MAGI2: variants seen among roughly 807,000 people sequenced by gnomAD.
MAGI2 encodes membrane associated guanylate kinase, WW and PDZ domain containing 2.
Under a neutral mutation model 133.3 loss-of-function variants are expected in MAGI2, and 35 were observed. The ratio of observed to expected loss-of-function variants is 0.26; its 90% CI spans 0.20 to 0.35. MAGI2 has a LOEUF of 0.35. Among genes scored for constraint, MAGI2 ranks in the 10% least tolerant of loss-of-function variants. The pLI is 1.00. For missense variants in MAGI2, 1,636 were observed against 1,863.4 expected, an observed-to-expected ratio of 0.88 and a Z score of 2.25; for synonymous variants, 729 against 710.6, an observed-to-expected ratio of 1.03 and a Z score of -0.41.
intron 1 of MAGI2, among the ~76,000 whole-genome samples, chr7:79,160,165 G>T (rs542661676): frequency 3.3e-5 from 5 of 152,146 alleles, no homozygotes; most frequent in African/African-American, 1.2e-4. Flanking sequence ...TTACTGAAAA[G>T]TTAAAATAGT....
rs1824221974 is a variant in MAGI2 at position 78,154,738 on chromosome 7, G to T, written c.2845+5287C>A. 1.3e-5 allele frequency among the ~76,000 whole-genome samples: 2 copies of T among 152,170 alleles called. 1 individual carries two copies. Among genetic ancestry groups the T allele is most frequent in the South Asian group, 4.1e-4 (2 of 4,824 alleles). On this transcript the variant is annotated intron_variant, in intron 16 of 21. Coordinates refer to ENST00000354212, the MANE Select transcript of MAGI2 (RefSeq NM_012301.4). ...GGGCCACTTCATTACTTGTACCAAA[G>T]CCCTTCTTGGGAACCTCTGGTGGGA... is the stretch of plus-strand genomic sequence containing the variant.
At chr7:78,603,847 CAAGA>C (rs746165408) in intron 3 of MAGI2, among the ~76,000 whole-genome samples, 119 of 152,186 alleles carry the variant, frequency 7.8e-4, no homozygotes, top group Non-Finnish European at 1.3e-3. Context: ...TATAGGCTAC[CAAGA>C]AACCTATACA....
At chr7:78,348,387 A>G (rs1403461208) in intron 7 of MAGI2, 1 of 152,226 alleles carries the variant, frequency 6.6e-6, no homozygotes, top group Non-Finnish European at 1.5e-5. Context: ...ATACCCAGGG[A>G]GAACCCAACA....
chr7:79,067,317 T>C (rs951327841), intron 1 of MAGI2, among the ~76,000 whole-genome samples: 2 of 152,220 alleles, frequency 1.3e-5, no homozygotes, highest in South Asian at 2.1e-4. Flanking sequence ...AGAGGTCCTT[T>C]ACATCCCTTG....
At chr7:78,468,755 T>G (rs777655152) in intron 6 of MAGI2, among the ~76,000 whole-genome samples, 1 of 152,188 alleles carries the variant, frequency 6.6e-6, no homozygotes, top group Non-Finnish European at 1.5e-5. Context: ...CTCTGATATC[T>G]TGGCTACTAT....
At position 79,364,870 on chromosome 7, in the gene MAGI2, C is replaced by T. The variant is rs115828921; in HGVS notation, c.301+88150G>A. The stretch of plus-strand genomic sequence containing the variant: ...GAATTCTTAGAATTGACAACAGTTG[C>T]AAAATTCATAAAAAAATTAATTAGA... On this transcript the variant is annotated intron_variant, in intron 1 of 21. Coordinates refer to ENST00000354212, the MANE Select transcript of MAGI2 (RefSeq NM_012301.4). Among the ~76,000 whole-genome samples, 816 of 150,410 alleles carry T rather than the reference C, an allele frequency of 5.4e-3. 5 individuals are homozygous for T. The highest frequency in any genetic ancestry group is 0.019 in the African/African-American group (786 of 40,888).
At chr7:78,627,352 A>T in intron 2 of MAGI2, 113 bp from the exon 3 acceptor site, 1 of 1,011,364 alleles carries the variant, frequency 9.9e-7, no homozygotes, top group East Asian at 3.1e-5. Context: ...ACATCCTGCA[A>T]GTTGGCAGTT....
At chr7:78,203,067 T>C (rs1249664004) in intron 10 of MAGI2, among the ~76,000 whole-genome samples, 1 of 152,248 alleles carries the variant, frequency 6.6e-6, no homozygotes, top group Non-Finnish European at 1.5e-5. Context: ...CAGTGAAGTA[T>C]AAAATTTATT....
rs1476310887 is a variant in MAGI2 at position 78,127,253 on chromosome 7, T to C, written c.3367A>G (p.Arg1123Gly). ...TGCCTGGTGTCGGGGGAGTGCTGCC[T>C]GTAGTCCAGTAGGGGAGGCTGCCTG... ...DYRQPPLLDY[R>G]QHSPDTRQYP... Residue 1123 changes from arginine (R) to glycine (G), a missense_variant, in exon 19 of 22, where the codon AGG (arginine) becomes GGG (glycine). Transcript: ENST00000354212. 6.2e-7 allele frequency: 1 copy of C among 1,608,226 alleles called. No individual in the cohort carries two copies. Among genetic ancestry groups the C allele is most frequent in the South Asian group, 1.1e-5 (1 of 90,436 alleles).
chr7:79,196,287 T>C (rs1828075304), intron 1 of MAGI2, among the ~76,000 whole-genome samples: 1 of 151,862 alleles, frequency 6.6e-6, no homozygotes, highest in Non-Finnish European at 1.5e-5. Context: ...GAAAAAGTTA[T>C]ACAAATATTC....
chr7:79,196,307 C>T (rs1828077503), intron 1 of MAGI2, among the ~76,000 whole-genome samples: 1 of 151,726 alleles, frequency 6.6e-6, no homozygotes, highest in South Asian at 2.1e-4. Flanking sequence ...CTTTTTTTTA[C>T]TTTAAAACAT....
intron 6 of MAGI2, among the ~76,000 whole-genome samples, chr7:78,442,828 A>G (rs946790388): frequency 3.3e-5 from 5 of 152,214 alleles, no homozygotes; most frequent in African/African-American, 1.2e-4. Context: ...TTGAAAATAC[A>G]TATTAAACAA....
At chr7:78,569,125 A>AACACACACAC (rs56351234) in intron 3 of MAGI2, among the ~76,000 whole-genome samples, 3 of 148,094 alleles carry the variant, frequency 2.0e-5, no homozygotes, top group African/African-American at 4.9e-5. Flanking sequence ...TGTGCATGCC[A>AACACACACAC]ACACACACAC....
intron 1 of MAGI2, among the ~76,000 whole-genome samples, chr7:79,099,167 T>G (rs1312520193): frequency 1.3e-5 from 2 of 152,180 alleles, no homozygotes; most frequent in East Asian, 3.9e-4. Context: ...TTAGTGCTAT[T>G]TTATGGAAAA....
intron 2 of MAGI2, among the ~76,000 whole-genome samples, chr7:78,685,091 T>C (rs1023960219): frequency 3.9e-5 from 6 of 152,226 alleles, no homozygotes; most frequent in Admixed American, 1.3e-4. Context: ...CAGCCTTAAA[T>C]GTTTCTGTCA....
intron 9 of MAGI2, among the ~76,000 whole-genome samples, chr7:78,276,340 C>A (rs1309005714): frequency 6.6e-6 from 1 of 151,992 alleles, no homozygotes; most frequent in Admixed American, 6.6e-5. Flanking sequence ...TTTCATTTTC[C>A]CTGTGGGTTT....
intron 7 of MAGI2, chr7:78,350,642 A>C (rs1485867006): frequency 6.6e-6 from 1 of 152,220 alleles, no homozygotes; most frequent in Admixed American, 6.5e-5. Context: ...TCAGACAAGC[A>C]CTGAGGGAAG....
At chr7:78,204,343 A>G (rs1829537326) in intron 10 of MAGI2, among the ~76,000 whole-genome samples, 2 of 152,090 alleles carry the variant, frequency 1.3e-5, no homozygotes, top group African/African-American at 4.8e-5. Context: ...AATTCTAAGC[A>G]TTTTGCTAGG....
At chr7:79,025,476 T>C (rs2098181) in intron 1 of MAGI2, among the ~76,000 whole-genome samples, 89,057 of 151,926 alleles carry the variant, frequency 0.59, 26,434 homozygotes, top group East Asian at 0.63. Context: ...TATAGAAGCC[T>C]CCACATGTAC....
Sources: allele counts gnomAD v4.1 joint callset (sites outside exome capture counted in the v4.1 genomes callset), GRCh38; gene constraint gnomAD v4.1.1; transcripts MANE v1.5; gene names NCBI Gene and HGNC (gene_info 2026-07-23, HGNC 2026-07-21).